PFKFB3: variants seen among roughly 807,000 people sequenced by gnomAD.
PFKFB3 encodes 6-phosphofructo-2-kinase/fructose-2,6-biphosphatase 3.
Under a neutral mutation model 68.0 loss-of-function variants are expected in PFKFB3, and 33 were observed. That is an observed-to-expected ratio of 0.49 (90% CI 0.37 to 0.65). PFKFB3 has a LOEUF of 0.65. PFKFB3 is among the 30% of genes least tolerant of loss of function. The pLI is 0.00. For synonymous variants in PFKFB3, 315 were observed against 288.2 expected (o/e 1.09, Z -0.94); for missense variants, 586 against 712.2 (o/e 0.82, Z 2.02).
At chr10:6,224,693 C>T (rs1264439843) in intron 13 of PFKFB3, 8 of 323,320 alleles carry the variant, frequency 2.5e-5, no homozygotes, top group Non-Finnish European at 4.2e-5. Flanking sequence ...CACTGTGTTG[C>T]CCAGGCTGGT....
chr10:6,226,231 A>G lies in PFKFB3; in HGVS notation c.1381A>G (p.Ser461Gly). 4 of 1,613,256 alleles carry G rather than the reference A, an allele frequency of 2.5e-6. No homozygotes were observed. Among genetic ancestry groups the G allele is most frequent in the Non-Finnish European group, 3.4e-6 (4 of 1,179,628 alleles). The part of the protein sequence containing the change: ...KGPNPLMRRN[S>G]VTPLASPEPT... Reference sequence around the variant, plus strand: ...ACCTAACCCGCTCATGAGACGCAATAGTGTCACCCCGCTAGCCAGCCCCGA... The same window carrying G: ...ACCTAACCCGCTCATGAGACGCAATGGTGTCACCCCGCTAGCCAGCCCCGA... Residue 461 changes from serine to glycine, a missense_variant, in exon 14 of 15, where the codon AGT becomes GGT. By Grantham distance (56) the Ser-to-Gly change is moderately conservative. Coordinates refer to ENST00000379775, the MANE Select transcript of PFKFB3 (RefSeq NM_004566.4).
intron 13 of PFKFB3, among the ~76,000 whole-genome samples, chr10:6,225,710 AG>A (rs3838747): frequency 0.24 from 37,080 of 151,818 alleles, 4,703 homozygotes; most frequent in South Asian, 0.29. Flanking sequence ...ATCCTAAGCC[AG>A]GGTGCCCTTT....
At chr10:6,280,297 G>A in the PFKFB3 span, among the ~76,000 whole-genome samples, 11 of 152,324 alleles carry the variant, frequency 7.2e-5, no homozygotes, top group African/African-American at 2.2e-4. Flanking sequence ...TAGACCATCC[G>A]TCTTCCTCCT....
At chr10:6,240,364 A>C (rs1324624559), downstream of PFKFB3, among the ~76,000 whole-genome samples, 1 of 152,096 alleles carries the variant, frequency 6.6e-6, no homozygotes, top group Non-Finnish European at 1.5e-5. Flanking sequence ...TCCTGGGTTC[A>C]AGCGATTCTT....
chr10:6,317,626 G>A, the PFKFB3 span, among the ~76,000 whole-genome samples: 3 of 152,168 alleles, frequency 2.0e-5, no homozygotes, highest in Non-Finnish European at 2.9e-5. Flanking sequence ...ATGGGCTATC[G>A]TAGCAGGAAA....
Position 6,226,192 on chromosome 10 carries a change from G to A in PFKFB3, c.1342G>A (p.Asp448Asn). ...TCTCTTTTGTCTTTGTCTTGCTTAG[G>A]ATGCAAAGAAGGGACCTAACCCGCT... ...SVCTHRERSE[D>N]AKKGPNPLMR... Residue 448 changes from aspartate (D) to asparagine (N), a missense_variant and splice_region_variant, in exon 14 of 15, where the codon GAT (aspartate) becomes AAT (asparagine). Physicochemically the swap from Asp to Asn is conservative, Grantham distance 23. Transcript: ENST00000379775. 2 of 1,580,080 alleles carry A rather than the reference G, an allele frequency of 1.3e-6. No individual in the cohort carries two copies. The highest frequency in any genetic ancestry group is 1.7e-6 in the Non-Finnish European group (2 of 1,165,348).
chr10:6,238,477 C>CA (rs71390201), downstream of PFKFB3, among the ~76,000 whole-genome samples: 4,356 of 88,578 alleles, frequency 0.049, 359 homozygotes, highest in African/African-American at 0.11. Context: ...GGTGCCATCT[C>CA]AAAAAAAAAA....
downstream of PFKFB3, among the ~76,000 whole-genome samples, chr10:6,236,525 G>C (rs1356328958): frequency 1.3e-5 from 2 of 152,252 alleles, no homozygotes; most frequent in Non-Finnish European, 2.9e-5. Context: ...GCTGTGAAGA[G>C]AACAGGCGGC....
At chr10:6,200,762 A>G (rs1843321645), upstream of PFKFB3, among the ~76,000 whole-genome samples, 1 of 151,184 alleles carries the variant, frequency 6.6e-6, no homozygotes, top group Non-Finnish European at 1.5e-5. Context: ...GGAAGAACAT[A>G]GTCTTCCCTC....
rs563916595 is a variant in PFKFB3, at chr10:6,216,548, G to A, written c.367-158G>A. Among the ~76,000 whole-genome samples, 4 of 152,340 alleles carry A rather than the reference G, an allele frequency of 2.6e-5. No individual in the cohort carries two copies. In the East Asian group the frequency reaches 7.7e-4, roughly 29 times the overall value. On this transcript the variant is annotated intron_variant, in intron 4 of 14. Transcript: ENST00000379775. Reference sequence around the variant, plus strand: ...TAGTTGCGGGAGGCCTGCCTCCTAAGCACTCCCTGGAGAGGACTGTGGGCA... The same window carrying A: ...TAGTTGCGGGAGGCCTGCCTCCTAAACACTCCCTGGAGAGGACTGTGGGCA...
At position 6,242,117 on chromosome 10, in the gene PFKFB3, T is replaced by G. The variant is rs140238023; in HGVS notation, c.1516-12061T>G. On this transcript the variant is annotated intron_variant, in intron 14 of 14. Coordinates refer to the PFKFB3 transcript ENST00000640683. ...CCTCAGCCTCTCAAAGTGCAGGGAT[T>G]ATAGGCTTATGCTACCTTGCCAGGC... Among the ~76,000 whole-genome samples the G allele has an allele frequency of 5.7e-4, 87 of 152,296 alleles. 1 individual carries two copies. Among genetic ancestry groups the G allele is most frequent in the African/African-American group, 2.1e-3 (87 of 41,562 alleles).
the PFKFB3 span, among the ~76,000 whole-genome samples, chr10:6,305,809 C>T: frequency 6.6e-6 from 1 of 152,186 alleles, no homozygotes; most frequent in Non-Finnish European, 1.5e-5. Flanking sequence ...GGAGGACTAC[C>T]ATCCCTGAAC....
chr10:6,222,439 C>T (rs1297389677), intron 10 of PFKFB3, among the ~76,000 whole-genome samples: 2 of 152,260 alleles, frequency 1.3e-5, no homozygotes, highest in Admixed American at 1.3e-4. Context: ...GTGCAGCCAT[C>T]ACCACAAATT....
In PFKFB3 at chr10:6,235,015, C is replaced by CGGGGGAT. The variant is rs1180593352; in HGVS notation, c.*2078_*2079insATGGGGG. Reference sequence around the variant, plus strand: ...ACCTGCCTTTTGAGGGGACATTGGACGGGGGCCGGGGGCGGGGGTTGGGTT... The same window carrying CGGGGGAT: ...ACCTGCCTTTTGAGGGGACATTGGACGGGGGATGGGGGCCGGGGGCGGGGGTTGGGTT... On this transcript the variant is annotated 3_prime_UTR_variant, in exon 15 of 15. Transcript: ENST00000379775. 1.8e-5 allele frequency: 1 copy of CGGGGGAT among 54,988 alleles called. No homozygotes were observed. The highest frequency in any genetic ancestry group is 8.9e-5 in the African/African-American group (1 of 11,278). 3.4% of individuals were successfully genotyped at this position (54,988 alleles called of 1,614,324 possible). A position where few individuals can be genotyped will look rare whatever the true frequency, so the allele number is the denominator to read the frequency against.
chr10:6,295,927 A>T, the PFKFB3 span, among the ~76,000 whole-genome samples: 1 of 152,180 alleles, frequency 6.6e-6, no homozygotes, highest in African/African-American at 2.4e-5. Flanking sequence ...AGAGCTTTCA[A>T]TTCTCAAGCT....
the PFKFB3 span, chr10:6,293,260 C>T: frequency 4.6e-6 from 2 of 432,398 alleles, no homozygotes; most frequent in Non-Finnish European, 9.1e-6. Context: ...CAGTGACCTT[C>T]TGTCTGTTGA....
chr10:6,315,225 G>C, the PFKFB3 span, among the ~76,000 whole-genome samples: 8 of 152,182 alleles, frequency 5.3e-5, no homozygotes, highest in Non-Finnish European at 5.9e-5. Context: ...AAACAAACAG[G>C]GGAGGGAGAG....
intron 1 of PFKFB3, chr10:6,146,237 G>A (rs1272272591): frequency 2.1e-6 from 3 of 1,445,816 alleles, no homozygotes; most frequent in Admixed American, 4.9e-5. Flanking sequence ...TCATAACTCA[G>A]AGGCACGGCC....
At position 6,234,403 on chromosome 10, in the gene PFKFB3, C is replaced by G. The variant is rs1845911740; in HGVS notation, c.*1461C>G. The stretch of plus-strand genomic sequence containing the variant: ...GTTGCTGTTTGTTTTTTGGGAAGAG[C>G]TTTTAAAGAATGCATGTTTTTTTCC... On this transcript the variant is annotated 3_prime_UTR_variant, in exon 15 of 15. Transcript: ENST00000379775. The G allele has an allele frequency of 6.6e-6, 1 of 152,318 alleles. No individual in the cohort carries two copies. Among genetic ancestry groups the G allele is most frequent in the South Asian group, 2.1e-4 (1 of 4,834 alleles). 9.4% of individuals were successfully genotyped at this position (152,318 alleles called of 1,614,324 possible). A position where few individuals can be genotyped will look rare whatever the true frequency, so the allele number is the denominator to read the frequency against.
Sources: gnomAD v4.1 joint callset for allele counts (sites outside exome capture counted in the v4.1 genomes callset) on GRCh38, gnomAD v4.1.1 for gene constraint, MANE v1.5 for transcripts, NCBI Gene and HGNC (gene_info 2026-07-23, HGNC 2026-07-21) for gene names.